MARCO: variants seen among roughly 807,000 people sequenced by gnomAD.
MARCO encodes the protein macrophage receptor MARCO.
Under a neutral mutation model 70.0 loss-of-function variants are expected in MARCO, and 72 were observed. The observed-to-expected ratio is 1.03, with a 90% CI of 0.85 to 1.25. The LOEUF is 1.25. MARCO is among the 50% of genes most tolerant of loss of function. The pLI is 0.00. For synonymous variants in MARCO, 273 were observed against 243.1 expected (o/e 1.12, Z -1.14); for missense variants, 696 against 659.3 (o/e 1.06, Z -0.61).
chr2:118,986,586 GAAGAAAGAAAGAAAGAAAGAAAGA>G (rs755693328), intron 12 of MARCO, among the ~76,000 whole-genome samples: 3 of 46,666 alleles, frequency 6.4e-5, no homozygotes, highest in Non-Finnish European at 1.1e-4. Context: ...GGGAAGGAAA[GAAGAAAGAAAGAAAGAAAGAAAGA>G]AAGAAAGAAA....
Position 118,993,275 on chromosome 2 carries a change from A to C in MARCO, c.1404A>C (p.Gly468=), listed in dbSNP as rs897664306. 1 of 1,614,128 alleles carries C rather than the reference A, an allele frequency of 6.2e-7. No homozygotes were observed. The highest frequency in any genetic ancestry group is 8.5e-7 in the Non-Finnish European group (1 of 1,180,026). The change falls in exon 16 of 17, where the codon GGA becomes GGC. Residue 468 remains glycine, a synonymous_variant. Transcript: ENST00000327097. ...GCCGCATGCTGGGTTACTCCAAAGGAAGGGCCCTGTACAAAGTGGGAGCTG... is the reference window on the plus strand; with the variant it reads ...GCCGCATGCTGGGTTACTCCAAAGGCAGGGCCCTGTACAAAGTGGGAGCTG... ...VFCRMLGYSK[G]RALYKVGAGT... is the part of the protein sequence containing the mutation.
intron 1 of MARCO, among the ~76,000 whole-genome samples, chr2:118,963,962 T>C (rs1316812412): frequency 2.6e-5 from 4 of 152,192 alleles, no homozygotes; most frequent in Non-Finnish European, 4.4e-5. Flanking sequence ...TGTGGATTAT[T>C]TGAATAATTT....
chr2:118,948,328 C>T (rs1679644338), intron 1 of MARCO, among the ~76,000 whole-genome samples: 1 of 152,198 alleles, frequency 6.6e-6, no homozygotes, highest in African/African-American at 2.4e-5. Flanking sequence ...ACCTCACAAT[C>T]TTAAACTGAT....
chr2:118,990,569 C>CGGGTGTGGTG lies in MARCO; in HGVS notation c.1064-20_1064-19insGGGTGTGGTG. 7.1e-7 allele frequency: 1 copy of CGGGTGTGGTG among 1,415,984 alleles called. No homozygotes were observed. The highest frequency in any genetic ancestry group is 9.7e-7 in the Non-Finnish European group (1 of 1,028,338). 87.7% of individuals were successfully genotyped at this position (1,415,984 alleles called of 1,614,324 possible). Reference sequence around the variant, plus strand: ...AGTTTTATTATCTCCTCCCCCCCCCCTTTTTTGTTTTGATCTTAGGACTTC... The same window carrying CGGGTGTGGTG: ...AGTTTTATTATCTCCTCCCCCCCCCCGGGTGTGGTGTTTTTTGTTTTGATCTTAGGACTTC... On this transcript the variant is annotated intron_variant, in intron 12 of 16. Coordinates refer to ENST00000327097, the MANE Select transcript of MARCO (RefSeq NM_006770.4).
chr2:118,955,532 G>A (rs1312223159), intron 1 of MARCO, among the ~76,000 whole-genome samples: 10 of 152,126 alleles, frequency 6.6e-5, no homozygotes, highest in Admixed American at 6.5e-4. Flanking sequence ...ACATACTTGG[G>A]GGAATAATCA....
chr2:118,974,349 G>A lies in MARCO; in HGVS notation c.477G>A (p.Lys159=), dbSNP rs754030434. ...CTTCCTCAGGTCTTCAAGGTCACAA[G>A]GGGGCCATGGGCATGCCTGGTGCCC... is the stretch of plus-strand genomic sequence containing the variant. The part of the protein sequence containing the change: ...EQGAPGLQGH[K]GAMGMPGAPG... The change falls in exon 5 of 17, where the codon AAG becomes AAA. Residue 159 remains lysine (K), a synonymous_variant. Transcript: ENST00000327097. 6.2e-7 allele frequency: 1 copy of A among 1,602,800 alleles called. No homozygotes were observed. The highest frequency in any genetic ancestry group is 8.5e-7 in the Non-Finnish European group (1 of 1,174,652).
At chr2:118,975,743 TAC>T (rs1680269814) in intron 6 of MARCO, among the ~76,000 whole-genome samples, 2 of 152,000 alleles carry the variant, frequency 1.3e-5, no homozygotes, top group South Asian at 4.1e-4. Flanking sequence ...TGCACTCACA[TAC>T]ACACATATAC....
rs1558671987 is a variant in MARCO, at chr2:118,986,713, GAAAGAAAGAAAAGAAA to G, written c.1064-3875_1064-3860del. ...AGAAAGAAAGAAAGAAAGAAAGAAA[GAAAGAAAGAAAAGAAA>G]GAAAGAAAGAGAAAGAAAGAGAAAG... On this transcript the variant is annotated intron_variant, in intron 12 of 16. Transcript: ENST00000327097. 6.7e-4 allele frequency among the ~76,000 whole-genome samples: 67 copies of G among 99,864 alleles called. 2 individuals are homozygous for G. The highest frequency in any genetic ancestry group is 4.8e-3 in the South Asian group (13 of 2,682). 65.5% of individuals were successfully genotyped at this position (99,864 alleles called of 152,430 possible).
Position 118,950,942 on chromosome 2 carries a change from G to A in MARCO, c.97+8545G>A, listed in dbSNP as rs576739696. Among the ~76,000 whole-genome samples, 3 of 152,214 alleles carry A rather than the reference G, an allele frequency of 2.0e-5. No individual in the cohort carries two copies. The South Asian group carries it at 6.2e-4, about 32-fold the overall frequency. ...TTAATATTTAGCAAATTTTACTTTTGTTGAAAACCTTGTAAGTTTGGGATT... is the reference window on the plus strand; with the variant it reads ...TTAATATTTAGCAAATTTTACTTTTATTGAAAACCTTGTAAGTTTGGGATT... On this transcript the variant is annotated intron_variant, in intron 1 of 16. Coordinates refer to ENST00000327097, the MANE Select transcript of MARCO (RefSeq NM_006770.4).
intron 1 of MARCO, among the ~76,000 whole-genome samples, chr2:118,963,959 T>A (rs541689415): frequency 6.6e-6 from 1 of 152,220 alleles, no homozygotes; most frequent in Non-Finnish European, 1.5e-5. Flanking sequence ...TCCTGTGGAT[T>A]ATTTGAATAA....
intron 3 of MARCO, among the ~76,000 whole-genome samples, chr2:118,971,278 G>T (rs1348904449): frequency 6.6e-6 from 1 of 152,110 alleles, no homozygotes; most frequent in East Asian, 1.9e-4. Flanking sequence ...AGGTCTCGGG[G>T]TGCAGTCCGC....
At chr2:118,952,275 G>A (rs191992985) in intron 1 of MARCO, among the ~76,000 whole-genome samples, 4 of 152,118 alleles carry the variant, frequency 2.6e-5, no homozygotes, top group African/African-American at 9.7e-5. Context: ...TGCCCTGGGA[G>A]GTTGACCTGG....
rs944746385 is a variant in MARCO at position 118,957,249 on chromosome 2, G to A, written c.98-11911G>A. Among the ~76,000 whole-genome samples, 7 of 151,838 alleles carry A rather than the reference G, an allele frequency of 4.6e-5. 1 individual carries two copies. The highest frequency in any genetic ancestry group is 8.8e-5 in the Non-Finnish European group (6 of 67,860). ...TTGATAGACCGTTAACAAGATAAACGAAGGAAAGAAGAGAGAAAAACCAAA... is the reference window on the plus strand; with the variant it reads ...TTGATAGACCGTTAACAAGATAAACAAAGGAAAGAAGAGAGAAAAACCAAA... On this transcript the variant is annotated intron_variant, in intron 1 of 16. Coordinates refer to ENST00000327097, the MANE Select transcript of MARCO (RefSeq NM_006770.4).
In MARCO at chr2:118,985,049, T is replaced by C. The variant is rs74398900; in HGVS notation, c.1063+2639T>C. 3.8e-3 allele frequency among the ~76,000 whole-genome samples: 572 copies of C among 152,284 alleles called. 9 individuals carry two copies. Among genetic ancestry groups the C allele is most frequent in the African/African-American group, 0.013 (524 of 41,550 alleles). On this transcript the variant is annotated intron_variant, in intron 12 of 16. Transcript: ENST00000327097. ...AAAACATGAGCGGTCTGTTCATTATTATCAGTGCCTCTGGGCCAGGCACTG... is the reference window on the plus strand; with the variant it reads ...AAAACATGAGCGGTCTGTTCATTATCATCAGTGCCTCTGGGCCAGGCACTG...
At chr2:118,973,706 G>T (rs60622892) in intron 4 of MARCO, among the ~76,000 whole-genome samples, 19,116 of 152,134 alleles carry the variant, frequency 0.13, 2,189 homozygotes, top group African/African-American at 0.3. Flanking sequence ...GCAGCCTGCC[G>T]GTGGAACTGC....
chr2:118,975,677 T>C (rs1352673512), intron 6 of MARCO, among the ~76,000 whole-genome samples: 2 of 151,858 alleles, frequency 1.3e-5, no homozygotes, highest in East Asian at 1.9e-4. Flanking sequence ...TCTGTGCACA[T>C]ACTTGCATTC....
intron 2 of MARCO, 127 bp from the exon 3 acceptor site, chr2:118,969,985 CCT>C: frequency 1.3e-6 from 1 of 791,698 alleles, no homozygotes; most frequent in Non-Finnish European, 2.1e-6. Flanking sequence ...CACGCTAGGT[CCT>C]GACAGCACAT....
chr2:118,994,494 G>A lies in MARCO; in HGVS notation c.1537G>A (p.Asp513Asn). ...CCATCATGACTGCAGCCACGAGGAG[G>A]ACGCAGGCGTGGAGTGCAGCGTCTG... is the stretch of plus-strand genomic sequence containing the variant. ...WGHHDCSHEE[D>N]AGVECSV The change falls in exon 17 of 17, where the codon GAC (aspartate) becomes AAC (asparagine). Residue 513 changes from aspartate (D) to asparagine (N), a missense_variant. Physicochemically the swap from Asp to Asn is conservative, Grantham distance 23. This residue lies in a region of MARCO where 58 missense variants were observed against 62.1 expected (regional missense o/e 0.93). Transcript: ENST00000327097. 6.2e-7 allele frequency: 1 copy of A among 1,609,972 alleles called. No individual in the cohort carries two copies. The highest frequency in any genetic ancestry group is 8.5e-7 in the Non-Finnish European group (1 of 1,177,706).
chr2:118,970,210 C>T lies in MARCO; in HGVS notation c.296C>T (p.Ser99Leu), dbSNP rs912419133. 1.2e-6 allele frequency: 2 copies of T among 1,614,002 alleles called. No homozygotes were observed. Among genetic ancestry groups the T allele is most frequent in the Non-Finnish European group, 1.7e-6 (2 of 1,180,046 alleles). The change falls in exon 3 of 17, where the codon TCA (serine) becomes TTA (leucine). Residue 99 changes from serine (S) to leucine (L), a missense_variant. By Grantham distance (145) the Ser-to-Leu change is moderately radical. Around this residue, in one of 3 missense-constraint regions of MARCO, gnomAD observed 605 missense variants for 537.6 expected, o/e 1.13. Coordinates refer to ENST00000327097, the MANE Select transcript of MARCO (RefSeq NM_006770.4). Reference sequence around the variant, plus strand: ...AGCCCGTCCTTCTCCTTGCTGCAGTCAGCACACCCTGGAGAACACCTGGCT... The same window carrying T: ...AGCCCGTCCTTCTCCTTGCTGCAGTTAGCACACCCTGGAGAACACCTGGCT... ...EDSPSFSLLQ[S>L]AHPGEHLAQG...
Sources: allele counts gnomAD v4.1 joint callset (sites outside exome capture counted in the v4.1 genomes callset), GRCh38; gene constraint gnomAD v4.1.1; regional missense constraint gnomAD v4.1.1; transcripts MANE v1.5; gene names NCBI Gene and HGNC (gene_info 2026-07-23, HGNC 2026-07-21).